Variants in DDX60L observed in about 807,000 individuals in gnomAD.
The protein encoded by DDX60L is DExD/H-box 60 like.
Under a neutral mutation model 211.6 loss-of-function variants are expected in DDX60L, and 191 were observed. The ratio of observed to expected loss-of-function variants is 0.90; its 90% CI spans 0.80 to 1.02. The LOEUF is 1.02. DDX60L is among the 50% of genes least tolerant of loss of function. The pLI, the probability that DDX60L is intolerant of heterozygous loss-of-function variation, is 0.00. For missense variants in DDX60L, 2,007 were observed against 1,984.1 expected, an observed-to-expected ratio of 1.01 and a Z score of -0.22; for synonymous variants, 706 against 694.1, an observed-to-expected ratio of 1.02 and a Z score of -0.27.
At chr4:168,451,055 A>T (rs925185458) in intron 8 of DDX60L, among the ~76,000 whole-genome samples, 5 of 152,206 alleles carry the variant, frequency 3.3e-5, no homozygotes, top group Non-Finnish European at 7.3e-5. Context: ...AATATGATTC[A>T]TATGAACTCT....
chr4:168,474,145 C>A (rs1218510355), intron 1 of DDX60L, among the ~76,000 whole-genome samples: 1 of 152,096 alleles, frequency 6.6e-6, no homozygotes, highest in Non-Finnish European at 1.5e-5. Context: ...AAGTTAAGTA[C>A]TATTTGAAAA....
intron 10 of DDX60L, among the ~76,000 whole-genome samples, chr4:168,438,464 TTG>T (rs1579645269): frequency 6.6e-6 from 1 of 152,334 alleles, no homozygotes; most frequent in East Asian, 1.9e-4. Flanking sequence ...TTAAAATATT[TTG>T]TGTTTTCCCC....
chr4:168,361,316 C>A, intron 36 of DDX60L, 105 bp from the exon 37 acceptor site: 2 of 672,900 alleles, frequency 3.0e-6, no homozygotes, highest in Non-Finnish European at 2.6e-6. Flanking sequence ...ATTTATCTGC[C>A]AAATGCACTC....
chr4:168,446,038 G>A (rs1392662047), intron 9 of DDX60L, among the ~76,000 whole-genome samples: 1 of 149,638 alleles, frequency 6.7e-6, no homozygotes, highest in Non-Finnish European at 1.5e-5. Flanking sequence ...AGGGCAATTA[G>A]GCAGGAGAAG....
chr4:168,404,419 A>C (rs1198681419), intron 24 of DDX60L, among the ~76,000 whole-genome samples: 1 of 152,100 alleles, frequency 6.6e-6, no homozygotes, highest in Non-Finnish European at 1.5e-5. Flanking sequence ...GAAGAGTGAC[A>C]AAGGGTTTCT....
At position 168,410,649 on chromosome 4, in the gene DDX60L, A is replaced by C. The variant is rs376517932; in HGVS notation, c.2980-3943T>G. 5.9e-5 allele frequency among the ~76,000 whole-genome samples: 9 copies of C among 152,360 alleles called. 1 individual carries two copies. In the East Asian group the frequency reaches 1.2e-3, roughly 20 times the overall value. Reference sequence around the variant, plus strand: ...CAACTTGAACCTATATAATTTAATAACAGAGATAGGATGGAAAAAGAGGAG... The same window carrying C: ...CAACTTGAACCTATATAATTTAATACCAGAGATAGGATGGAAAAAGAGGAG... On this transcript the variant is annotated intron_variant, in intron 22 of 37. Transcript: ENST00000682922.
chr4:168,405,460 A>G (rs1471191254), intron 24 of DDX60L, among the ~76,000 whole-genome samples: 1 of 152,244 alleles, frequency 6.6e-6, no homozygotes, highest in Non-Finnish European at 1.5e-5. Flanking sequence ...TCTGTCATCT[A>G]TAAATTTGCC....
At chr4:168,360,355 C>G (rs1323432249) in intron 37 of DDX60L, among the ~76,000 whole-genome samples, 1 of 152,152 alleles carries the variant, frequency 6.6e-6, no homozygotes, top group Non-Finnish European at 1.5e-5. Flanking sequence ...CTATAAGCCA[C>G]TTGAGGAATC....
intron 36 of DDX60L, among the ~76,000 whole-genome samples, chr4:168,364,334 G>A (rs1346342924): frequency 6.6e-6 from 1 of 152,042 alleles, no homozygotes; most frequent in Non-Finnish European, 1.5e-5. Context: ...AATGATAAAG[G>A]AATCAATTCA....
intron 36 of DDX60L, among the ~76,000 whole-genome samples, chr4:168,363,379 C>T (rs755656640): frequency 5.9e-5 from 9 of 152,124 alleles, no homozygotes; most frequent in Non-Finnish European, 1.3e-4. Context: ...TAAAACTCAT[C>T]GATAGAAGTA....
At chr4:168,410,997 C>T (rs73863202) in intron 22 of DDX60L, among the ~76,000 whole-genome samples, 32,652 of 152,104 alleles carry the variant, frequency 0.21, 3,640 homozygotes, top group East Asian at 0.28. Context: ...CGAATTAGAA[C>T]TCTCCATTAC....
At chr4:168,478,685 T>A in intron 1 of DDX60L, among the ~76,000 whole-genome samples, 1 of 152,198 alleles carries the variant, frequency 6.6e-6, no homozygotes, top group East Asian at 1.9e-4. Flanking sequence ...AGAAGAATTT[T>A]TAAAAATATA....
intron 22 of DDX60L, among the ~76,000 whole-genome samples, chr4:168,415,138 T>C (rs779818461): frequency 1.3e-5 from 2 of 152,028 alleles, no homozygotes; most frequent in Non-Finnish European, 2.9e-5. Flanking sequence ...AGTGGATACA[T>C]ACCTCATTTA....
At chr4:168,409,079 C>A (rs567311122) in intron 22 of DDX60L, among the ~76,000 whole-genome samples, 1 of 152,264 alleles carries the variant, frequency 6.6e-6, no homozygotes, top group African/African-American at 2.4e-5. Flanking sequence ...CTTAGGAGCA[C>A]GAAGAAAGGT....
At chr4:168,374,464 G>A (rs559209700) in intron 34 of DDX60L, among the ~76,000 whole-genome samples, 30 of 152,190 alleles carry the variant, frequency 2.0e-4, no homozygotes, top group East Asian at 1.2e-3. Context: ...AAAGTTTCCC[G>A]CTATAAAATT....
chr4:168,464,396 A>T (rs2150112629), intron 4 of DDX60L, among the ~76,000 whole-genome samples: 1 of 151,596 alleles, frequency 6.6e-6, no homozygotes, highest in South Asian at 2.1e-4. Context: ...CATTAAAACA[A>T]TAGTTTTTTA....
chr4:168,404,973 C>T (rs1747477907), intron 24 of DDX60L, among the ~76,000 whole-genome samples: 1 of 151,958 alleles, frequency 6.6e-6, no homozygotes, highest in Admixed American at 6.6e-5. Context: ...CTGTGCCAAA[C>T]AGGCTAAATT....
Position 168,453,204 on chromosome 4 carries a change from G to A in DDX60L, c.916C>T (p.His306Tyr), listed in dbSNP as rs747043912. ...LRCLCVAFQL[H>Y]LPLSQRACSR... is the part of the protein sequence containing the mutation. ...CAAGCTCTCTGAGAAAGGGGTAAGT[G>A]GAGTTGAAAAGCCACACAGAGGCAA... Residue 306 changes from histidine (H) to tyrosine (Y), a missense_variant, in exon 8 of 38, where the codon CAC becomes TAC. By Grantham distance (83) the His-to-Tyr change is moderately conservative. Transcript: ENST00000682922. 8.1e-6 allele frequency: 13 copies of A among 1,613,276 alleles called. No individual in the cohort carries two copies. In the South Asian group the frequency reaches 1.3e-4, roughly 16 times the overall value.
intron 13 of DDX60L, among the ~76,000 whole-genome samples, chr4:168,428,860 A>T (rs543548640): frequency 2.6e-5 from 4 of 152,096 alleles, no homozygotes; most frequent in African/African-American, 9.6e-5. Flanking sequence ...ATCTTTTTAA[A>T]TTTTTTTTGA....
Sources: gnomAD v4.1 joint callset for allele counts (sites outside exome capture counted in the v4.1 genomes callset) on GRCh38, gnomAD v4.1.1 for gene constraint, MANE v1.5 for transcripts, NCBI Gene and HGNC (gene_info 2026-07-23, HGNC 2026-07-21) for gene names.